Variants in NDUFS1 observed in about 807,000 individuals in gnomAD.
NDUFS1 encodes NADH:ubiquinone oxidoreductase core subunit S1.
Under a neutral mutation model 84.4 loss-of-function variants are expected in NDUFS1, and 61 were observed. The ratio of observed to expected loss-of-function variants is 0.72; its 90% confidence interval spans 0.59 to 0.89. The LOEUF (loss-of-function observed/expected upper bound fraction) is 0.89, where lower values mean the gene tolerates loss of function less well. Among genes scored for constraint, NDUFS1 ranks in the 40% least tolerant of loss-of-function variants. The probability of loss-of-function intolerance (pLI) is 0.00; values close to 1 mark genes in which losing one functional copy is unlikely to be tolerated. For synonymous variants in NDUFS1, 275 were observed against 290.0 expected (o/e 0.95, Z 0.53); for missense variants, 891 against 890.0 (o/e 1.00, Z -0.01).
chr2:206,152,861 C>G (rs973301805), intron 2 of NDUFS1, among the ~76,000 whole-genome samples: 1 of 151,854 alleles, frequency 6.6e-6, no homozygotes, highest in African/African-American at 2.4e-5. Context: ...CTCACCACCA[C>G]GCCCGCTAAT....
chr2:206,131,496 T>C (rs1691509020), intron 14 of NDUFS1, among the ~76,000 whole-genome samples: 1 of 152,168 alleles, frequency 6.6e-6, no homozygotes, highest in Non-Finnish European at 1.5e-5. Context: ...ATTTCACCTA[T>C]GTAACTAAAA....
intron 15 of NDUFS1, among the ~76,000 whole-genome samples, chr2:206,128,991 AAT>A (rs1449611935): frequency 1.3e-5 from 2 of 152,270 alleles, no homozygotes; most frequent in East Asian, 3.9e-4. Context: ...ATATGACAGT[AAT>A]ACTGAAAAAG....
intron 1 of NDUFS1, chr2:206,158,955 A>C (rs2105781125): frequency 1.2e-6 from 1 of 855,492 alleles, no homozygotes; most frequent in African/African-American, 1.7e-5. Context: ...TCAGGCGTGT[A>C]AAAATCTGGG....
At position 206,130,202 on chromosome 2, in the gene NDUFS1, G is replaced by A. The variant is rs757997251; in HGVS notation, c.1594C>T (p.Pro532Ser). Residue 532 changes from proline to serine, a missense_variant, in exon 15 of 19, where the codon CCT (proline) becomes TCT (serine). Physicochemically the swap from Pro to Ser is moderately conservative, Grantham distance 74. Transcript: ENST00000233190. ...QVAALDLGYK[P>S]GVEAIRKNPP... ...TTCTTCCGAATTGCTTCCACCCCAG[G>A]CTTATAGCCAAGGTCCAAAGCAGCT... The A allele has an allele frequency of 1.4e-5, 23 of 1,613,968 alleles. No homozygotes were observed. Among genetic ancestry groups the A allele is most frequent in the Non-Finnish European group, 1.6e-5 (19 of 1,180,040 alleles).
rs1691034184 is a variant in NDUFS1 at position 206,119,377 on chromosome 2, T to C, written c.*4808A>G. The C allele has an allele frequency of 6.6e-6, 1 of 152,118 alleles. No homozygotes were observed. The highest frequency in any genetic ancestry group is 2.4e-5 in the African/African-American group (1 of 41,442). The allele number at this position is 152,118 out of a possible 1,614,324, so 9.4% of individuals were successfully genotyped here. ...AAATGTTAATGTCAACAACAAACAA[T>C]AAATTGGTACTGGGTATTGTCAAAT... On this transcript the variant is annotated 3_prime_UTR_variant, in exon 19 of 19. Transcript: ENST00000233190.
chr2:206,123,186 C>T lies in NDUFS1; in HGVS notation c.*999G>A, dbSNP rs916860171. 2.6e-5 allele frequency: 4 copies of T among 151,394 alleles called. No individual in the cohort carries two copies. Among genetic ancestry groups the T allele is most frequent in the African/African-American group, 9.7e-5 (4 of 41,220 alleles). The allele number at this position is 151,394 out of a possible 1,614,324, so 9.4% of individuals were successfully genotyped here. ...ATTATGAAAGCTGGTTGTTTTGTCT[C>T]CTATTGCTGAAATAATTTAGTTGAT... On this transcript the variant is annotated 3_prime_UTR_variant, in exon 19 of 19. Coordinates refer to ENST00000233190, the MANE Select transcript of NDUFS1 (RefSeq NM_005006.7).
At chr2:206,155,272 T>C (rs4383316) in intron 1 of NDUFS1, among the ~76,000 whole-genome samples, 51,909 of 151,310 alleles carry the variant, frequency 0.34, 9,310 homozygotes, top group African/African-American at 0.45. Context: ...TGTACCACCA[T>C]GCCAGGCTAA....
chr2:206,155,076 T>G (rs759217267), intron 1 of NDUFS1, among the ~76,000 whole-genome samples: 16 of 151,808 alleles, frequency 1.1e-4, no homozygotes, highest in Non-Finnish European at 1.9e-4. Context: ...ACTACAGGCA[T>G]GCACAACCAT....
At chr2:206,125,895 T>A (rs1036674144) in intron 18 of NDUFS1, among the ~76,000 whole-genome samples, 12 of 152,194 alleles carry the variant, frequency 7.9e-5, no homozygotes, top group African/African-American at 2.9e-4. Flanking sequence ...AGAAGTGATT[T>A]TTTGTTGTGC....
intron 3 of NDUFS1, 149 bp downstream of exon 3, chr2:206,152,270 C>CA: frequency 1.5e-6 from 1 of 674,190 alleles, no homozygotes; most frequent in Non-Finnish European, 2.6e-6. Flanking sequence ...TTTGAAGTGC[C>CA]AAGATTTAAA....
Position 206,159,379 on chromosome 2 carries a change from T to C in NDUFS1, c.-43A>G. On this transcript the variant is annotated 5_prime_UTR_variant, in exon 1 of 19. Transcript: ENST00000233190. ...CCGCGGAGGCTGTTCTGCTAAACTG[T>C]CTGGACCACGACGACCCCCTAGGAG... 1 of 571,096 alleles carries C rather than the reference T, an allele frequency of 1.8e-6. No homozygotes were observed. The highest frequency in any genetic ancestry group is 3.1e-6 in the Non-Finnish European group (1 of 320,260). 35.4% of individuals were successfully genotyped at this position (571,096 alleles called of 1,614,324 possible).
intron 18 of NDUFS1, among the ~76,000 whole-genome samples, chr2:206,126,181 G>A (rs1371043764): frequency 1.3e-5 from 2 of 152,160 alleles, no homozygotes; most frequent in African/African-American, 4.8e-5. Context: ...TGTTTAACAT[G>A]TTTCACATTT....
rs1448037506 is a variant in NDUFS1 at position 206,117,665 on chromosome 2, C to A, written c.*6520G>T. Reference sequence around the variant, plus strand: ...GGCCAGGCTGGTCTTGAACTCCTGGCCTTATGAGAGCCACCGCACCCAGCT... The same window carrying A: ...GGCCAGGCTGGTCTTGAACTCCTGGACTTATGAGAGCCACCGCACCCAGCT... On this transcript the variant is annotated 3_prime_UTR_variant, in exon 19 of 19. Coordinates refer to ENST00000233190, the MANE Select transcript of NDUFS1 (RefSeq NM_005006.7). 3 of 152,114 alleles carry A rather than the reference C, an allele frequency of 2.0e-5. No individual in the cohort carries two copies. Among genetic ancestry groups the A allele is most frequent in the African/African-American group, 7.2e-5 (3 of 41,414 alleles). The allele number at this position is 152,114 out of a possible 1,614,324, so 9.4% of individuals were successfully genotyped here. A position where few individuals can be genotyped will look rare whatever the true frequency, so the allele number is the denominator to read the frequency against.
intron 13 of NDUFS1, among the ~76,000 whole-genome samples, chr2:206,134,364 T>A (rs1336817658): frequency 1.3e-5 from 2 of 152,148 alleles, no homozygotes; most frequent in Admixed American, 6.5e-5. Flanking sequence ...CCAGGTGCAG[T>A]GGCTCAGGCC....
At chr2:206,147,501 T>C in intron 7 of NDUFS1, 30 bp downstream of exon 7, 1 of 1,588,948 alleles carries the variant, frequency 6.3e-7, no homozygotes, top group Non-Finnish European at 8.6e-7. Flanking sequence ...AATTATATTC[T>C]ATAATAGAAA....
At chr2:206,129,153 AT>A (rs751418126) in intron 15 of NDUFS1, among the ~76,000 whole-genome samples, 1 of 152,226 alleles carries the variant, frequency 6.6e-6, no homozygotes, top group Non-Finnish European at 1.5e-5. Flanking sequence ...GTTTAATATA[AT>A]TTGTGCACAT....
At chr2:206,143,169 T>C (rs752284381) in intron 10 of NDUFS1, among the ~76,000 whole-genome samples, 4 of 152,196 alleles carry the variant, frequency 2.6e-5, no homozygotes, top group Non-Finnish European at 5.9e-5. Context: ...GGAGAACTGC[T>C]TGAACCAAGG....
In NDUFS1 at chr2:206,116,320, C is replaced by T; in HGVS notation, c.*7865G>A. The T allele has an allele frequency of 1.1e-6, 1 of 901,322 alleles. No individual in the cohort carries two copies. The highest frequency in any genetic ancestry group is 1.3e-5 in the South Asian group (1 of 76,784). 55.8% of individuals were successfully genotyped at this position (901,322 alleles called of 1,614,324 possible). A position where few individuals can be genotyped will look rare whatever the true frequency, so the allele number is the denominator to read the frequency against. ...AGAGTTCACTAGCAGCTTTCACACT[C>T]TCCAAAGCACCAAACTCATCTTGTT... On this transcript the variant is annotated 3_prime_UTR_variant, in exon 19 of 19. Coordinates refer to ENST00000233190, the MANE Select transcript of NDUFS1 (RefSeq NM_005006.7).
At chr2:206,128,432 C>A (rs933694586) in intron 15 of NDUFS1, among the ~76,000 whole-genome samples, 2 of 151,374 alleles carry the variant, frequency 1.3e-5, no homozygotes, top group Admixed American at 6.6e-5. Context: ...TCCCAAAGTG[C>A]TGGGATTACA....
Sources: gnomAD v4.1 joint callset for allele counts (sites outside exome capture counted in the v4.1 genomes callset) on GRCh38, gnomAD v4.1.1 for gene constraint, MANE v1.5 for transcripts, NCBI Gene and HGNC (gene_info 2026-07-23, HGNC 2026-07-21) for gene names.